The following AGBL4 variants were observed in gnomAD, a reference collection of about 807,000 sequenced individuals.
AGBL4 encodes cytosolic carboxypeptidase 6.
A neutral mutation model predicts 66.4 loss-of-function variants in AGBL4; 58 were observed. The observed-to-expected ratio is 0.87, with a 90% confidence interval of 0.71 to 1.09. The LOEUF is 1.09. Ranked by LOEUF, AGBL4 falls within the 50% of genes least tolerant of loss-of-function variation. The pLI is 0.00. For synonymous variants in AGBL4, 234 were observed against 222.9 expected, an observed-to-expected ratio of 1.05 and a Z score of -0.44; for missense variants, 579 against 631.0, an observed-to-expected ratio of 0.92 and a Z score of 0.88.
chr1:49,342,587 A>G (rs1441220302), intron 3 of AGBL4, among the ~76,000 whole-genome samples: 3 of 152,264 alleles, frequency 2.0e-5, no homozygotes, highest in Non-Finnish European at 1.5e-5. Flanking sequence ...AGTTATCTTG[A>G]GCAGTTAAAA....
At chr1:49,339,974 T>C (rs903499894) in intron 3 of AGBL4, among the ~76,000 whole-genome samples, 2 of 152,152 alleles carry the variant, frequency 1.3e-5, no homozygotes, top group Admixed American at 1.3e-4. Flanking sequence ...AAAAACTACA[T>C]ATCCCAGTAT....
At chr1:48,906,593 C>G (rs1262234745) in intron 5 of AGBL4, among the ~76,000 whole-genome samples, 1 of 152,068 alleles carries the variant, frequency 6.6e-6, no homozygotes, top group Non-Finnish European at 1.5e-5. Context: ...AATGGAACAG[C>G]ATATTCAGAG....
At chr1:49,194,273 C>T (rs958500652) in intron 4 of AGBL4, among the ~76,000 whole-genome samples, 1 of 34,348 alleles carries the variant, frequency 2.9e-5, no homozygotes, top group African/African-American at 8.2e-5. Flanking sequence ...ACTGACCTTT[C>T]TTGTCTTTTT....
At chr1:49,822,181 C>CA (rs1354847442) in intron 2 of AGBL4, among the ~76,000 whole-genome samples, 14 of 152,120 alleles carry the variant, frequency 9.2e-5, no homozygotes, top group African/African-American at 2.9e-4. Flanking sequence ...AACATAAAGA[C>CA]AGATGATAAG....
intron 2 of AGBL4, among the ~76,000 whole-genome samples, chr1:49,699,582 TAAGAC>T (rs1398129982): frequency 6.6e-6 from 1 of 151,936 alleles, no homozygotes; most frequent in Non-Finnish European, 1.5e-5. Context: ...AAATTATAAT[TAAGAC>T]AAACTGGATG....
intron 4 of AGBL4, among the ~76,000 whole-genome samples, chr1:49,113,119 T>G (rs1334743801): frequency 2.0e-5 from 3 of 151,418 alleles, no homozygotes; most frequent in African/African-American, 7.3e-5. Context: ...CCTGGCTAAT[T>G]TTTTGTATTT....
intron 2 of AGBL4, among the ~76,000 whole-genome samples, chr1:49,835,857 C>A (rs1222031243): frequency 6.6e-6 from 1 of 152,088 alleles, no homozygotes; most frequent in East Asian, 1.9e-4. Context: ...ATATGAAATT[C>A]TGGGTTAAAA....
intron 9 of AGBL4, among the ~76,000 whole-genome samples, chr1:48,602,091 G>T (rs1188257845): frequency 6.6e-6 from 1 of 152,146 alleles, no homozygotes; most frequent in African/African-American, 2.4e-5. Flanking sequence ...TAGGAACTCA[G>T]TAAATAGTTG....
intron 4 of AGBL4, among the ~76,000 whole-genome samples, chr1:49,134,398 T>C (rs944345494): frequency 6.6e-6 from 1 of 151,964 alleles, no homozygotes; most frequent in East Asian, 2.0e-4. Context: ...CTGGGGGCAC[T>C]GCAGGAGACT....
intron 3 of AGBL4, among the ~76,000 whole-genome samples, chr1:49,618,104 G>C (rs1041132222): frequency 6.6e-6 from 1 of 152,134 alleles, no homozygotes; most frequent in African/African-American, 2.4e-5. Context: ...AACATGTGGT[G>C]TTTGGTTTTC....
At chr1:49,765,439 A>G (rs74081045) in intron 2 of AGBL4, among the ~76,000 whole-genome samples, 1 of 152,290 alleles carries the variant, frequency 6.6e-6, no homozygotes, top group African/African-American at 2.4e-5. Context: ...ACACATATGC[A>G]GAAAGTGAAA....
chr1:48,876,614 CTAACA>C (rs372886618), intron 5 of AGBL4, among the ~76,000 whole-genome samples: 4 of 152,294 alleles, frequency 2.6e-5, no homozygotes, highest in African/African-American at 9.6e-5. Context: ...CAGTGATTAC[CTAACA>C]TGTCTCATGT....
chr1:49,939,459 A>G (rs1654498490), intron 1 of AGBL4, among the ~76,000 whole-genome samples: 1 of 152,052 alleles, frequency 6.6e-6, no homozygotes, highest in Non-Finnish European at 1.5e-5. Context: ...ACTATACTAC[A>G]AGGCTACAGT....
At chr1:48,886,013 T>C (rs1650294028) in intron 5 of AGBL4, among the ~76,000 whole-genome samples, 1 of 152,122 alleles carries the variant, frequency 6.6e-6, no homozygotes, top group Non-Finnish European at 1.5e-5. Context: ...GAGCTCCCTT[T>C]CCCTTTTCTC....
At chr1:49,665,721 C>T (rs1353051327) in intron 3 of AGBL4, among the ~76,000 whole-genome samples, 2 of 151,978 alleles carry the variant, frequency 1.3e-5, no homozygotes, top group Non-Finnish European at 2.9e-5. Flanking sequence ...CTAAAAGGGA[C>T]ATTCTCCATA....
At chr1:49,885,677 A>G (rs1473600000) in intron 1 of AGBL4, among the ~76,000 whole-genome samples, 1 of 152,104 alleles carries the variant, frequency 6.6e-6, no homozygotes, top group Non-Finnish European at 1.5e-5. Flanking sequence ...GCCCAGAACT[A>G]AGGAGAACAT....
intron 6 of AGBL4, among the ~76,000 whole-genome samples, chr1:48,829,863 T>A (rs1202461551): frequency 6.6e-6 from 1 of 152,188 alleles, no homozygotes; most frequent in Non-Finnish European, 1.5e-5. Flanking sequence ...TTCCACCAGC[T>A]TAATTATCAA....
chr1:49,056,909 A>G (rs1360032456), intron 4 of AGBL4, among the ~76,000 whole-genome samples: 1 of 152,226 alleles, frequency 6.6e-6, no homozygotes, highest in Non-Finnish European at 1.5e-5. Flanking sequence ...TCATTTACTG[A>G]AATTTTCACA....
intron 3 of AGBL4, among the ~76,000 whole-genome samples, chr1:49,648,638 G>T (rs1215977873): frequency 6.6e-6 from 1 of 151,938 alleles, no homozygotes; most frequent in African/African-American, 2.4e-5. Context: ...ACCTTATCTA[G>T]GGGTAAGTAA....
Sources: gnomAD v4.1 joint callset for allele counts (sites outside exome capture counted in the v4.1 genomes callset) on GRCh38, gnomAD v4.1.1 for gene constraint, MANE v1.5 for transcripts, NCBI Gene and HGNC (gene_info 2026-07-23, HGNC 2026-07-21) for gene names.